The following GRIA1 variants were observed in gnomAD, a reference collection of about 807,000 sequenced individuals.
The protein encoded by GRIA1 is glutamate receptor 1.
A neutral mutation model predicts 99.2 loss-of-function variants in GRIA1; 31 were observed. The observed-to-expected ratio is 0.31, with a 90% confidence interval of 0.23 to 0.42. The LOEUF is 0.42. Among genes scored for constraint, GRIA1 ranks in the 10% least tolerant of loss-of-function variants. The pLI is 1.00. For synonymous variants in GRIA1, 438 were observed against 432.4 expected (o/e 1.01, Z -0.16); for missense variants, 782 against 1,157.5 (o/e 0.68, Z 4.71).
chr5:153,623,035 G>A (rs183131482), intron 2 of GRIA1, among the ~76,000 whole-genome samples: 70 of 152,330 alleles, frequency 4.6e-4, no homozygotes, highest in African/African-American at 1.6e-3. Flanking sequence ...CTATACTCTA[G>A]ATCACACAGC....
intron 5 of GRIA1, among the ~76,000 whole-genome samples, chr5:153,665,374 C>T (rs557993327): frequency 6.6e-5 from 10 of 152,222 alleles, no homozygotes; most frequent in Non-Finnish European, 8.8e-5. Flanking sequence ...TAAGTCAACA[C>T]GAATGCTTTT....
At chr5:153,805,911 T>C (rs1157809815) in intron 15 of GRIA1, among the ~76,000 whole-genome samples, 1 of 152,210 alleles carries the variant, frequency 6.6e-6, no homozygotes, top group East Asian at 1.9e-4. Context: ...GTGTGACTTC[T>C]ACCCAACTCA....
chr5:153,796,863 A>T (rs1040884744), intron 14 of GRIA1, among the ~76,000 whole-genome samples: 2 of 141,222 alleles, frequency 1.4e-5, no homozygotes, highest in Non-Finnish European at 3.0e-5. Context: ...TCCATTCTGG[A>T]TGTACTCACT....
intron 11 of GRIA1, among the ~76,000 whole-genome samples, chr5:153,745,239 G>A (rs765538220): frequency 6.6e-6 from 1 of 151,524 alleles, no homozygotes; most frequent in Non-Finnish European, 1.5e-5. Flanking sequence ...GTTTATGTTC[G>A]TCCCTTCCTT....
chr5:153,652,525 T>C (rs1581406406), intron 4 of GRIA1, among the ~76,000 whole-genome samples: 1 of 152,290 alleles, frequency 6.6e-6, no homozygotes, highest in East Asian at 1.9e-4. Context: ...GTCAAACCTA[T>C]CTTGGTCTGG....
At chr5:153,786,537 T>C (rs780715834) in intron 13 of GRIA1, among the ~76,000 whole-genome samples, 4 of 151,982 alleles carry the variant, frequency 2.6e-5, no homozygotes, top group Non-Finnish European at 4.4e-5. Context: ...TTGTTATTCC[T>C]AGTAAGTACC....
chr5:153,533,780 T>G (rs1267373807), intron 2 of GRIA1, among the ~76,000 whole-genome samples: 1 of 152,218 alleles, frequency 6.6e-6, no homozygotes, highest in East Asian at 1.9e-4. Context: ...AGAATCACAA[T>G]AGCTGTCATA....
At chr5:153,796,190 G>T (rs764604) in intron 14 of GRIA1, among the ~76,000 whole-genome samples, 45,555 of 151,650 alleles carry the variant, frequency 0.3, 7,266 homozygotes, top group Middle Eastern at 0.4. Context: ...AGAGTCTCAT[G>T]ACCTGAACTT....
intron 11 of GRIA1, among the ~76,000 whole-genome samples, chr5:153,731,830 G>A (rs555125936): frequency 6.6e-6 from 1 of 152,160 alleles, no homozygotes; most frequent in East Asian, 1.9e-4. Context: ...TTTCTAAGCT[G>A]CACCTTAGGT....
chr5:153,736,734 T>C (rs1331217572), intron 11 of GRIA1, among the ~76,000 whole-genome samples: 1 of 152,218 alleles, frequency 6.6e-6, no homozygotes, highest in Non-Finnish European at 1.5e-5. Context: ...AGATCGTACC[T>C]TTGGGTTCTC....
intron 3 of GRIA1, among the ~76,000 whole-genome samples, chr5:153,648,469 G>C (rs560380243): frequency 6.6e-6 from 1 of 152,130 alleles, no homozygotes; most frequent in Non-Finnish European, 1.5e-5. Flanking sequence ...GAGCCCTGCC[G>C]TTTGTCAGCT....
intron 2 of GRIA1, among the ~76,000 whole-genome samples, chr5:153,605,211 A>G (rs905939291): frequency 6.6e-5 from 10 of 152,016 alleles, no homozygotes; most frequent in Non-Finnish European, 1.0e-4. Context: ...GAGATGAGCT[A>G]TTAACACTTA....
intron 15 of GRIA1, among the ~76,000 whole-genome samples, 153 bp downstream of exon 15, chr5:153,802,643 G>A (rs1048194460): frequency 1.3e-5 from 2 of 152,150 alleles, no homozygotes; most frequent in Non-Finnish European, 2.9e-5. Context: ...AGGTGACGGG[G>A]ACAAAGGCAG....
intron 2 of GRIA1, among the ~76,000 whole-genome samples, chr5:153,523,520 T>TA (rs932508421): frequency 5.1e-4 from 77 of 151,464 alleles, no homozygotes; most frequent in African/African-American, 1.8e-3. Context: ...CATTTTTTTT[T>TA]TTATTTATGC....
chr5:153,503,136 T>C (rs76510678), intron 2 of GRIA1, among the ~76,000 whole-genome samples: 1,610 of 152,342 alleles, frequency 0.011, 28 homozygotes, highest in African/African-American at 0.036. Context: ...TCCCTTTTTT[T>C]CTTAAAAACA....
rs781132406 is a variant in GRIA1 at position 153,647,058 on chromosome 5, A to C, written c.351A>C (p.Thr117=). 6.2e-7 allele frequency: 1 copy of C among 1,613,926 alleles called. No homozygotes were observed. The part of the protein sequence containing the change: ...CFITPSFPVD[T]SNQFVLQLRP... ...TTACGCCGAGCTTTCCCGTTGATAC[A>C]TCCAATCAGTTTGTCCTTCAGCTGC... Residue 117 remains threonine, a synonymous_variant, in exon 3 of 16, where the codon ACA becomes ACC. Coordinates refer to ENST00000285900, the MANE Select transcript of GRIA1 (RefSeq NM_000827.4).
intron 13 of GRIA1, among the ~76,000 whole-genome samples, chr5:153,785,877 C>A (rs1228044337): frequency 1.3e-5 from 2 of 152,226 alleles, no homozygotes; most frequent in Non-Finnish European, 2.9e-5. Flanking sequence ...AAGCAGCAAT[C>A]TGTGTCCCTG....
At chr5:153,734,432 A>G (rs1048810634) in intron 11 of GRIA1, among the ~76,000 whole-genome samples, 1 of 152,206 alleles carries the variant, frequency 6.6e-6, no homozygotes, top group Non-Finnish European at 1.5e-5. Flanking sequence ...TATCTACTAC[A>G]AGAGTCTCAA....
At chr5:153,611,860 G>T (rs758321849) in intron 2 of GRIA1, among the ~76,000 whole-genome samples, 1 of 152,202 alleles carries the variant, frequency 6.6e-6, no homozygotes. Flanking sequence ...TATGTTTTCC[G>T]CCTGGCCTTG....
Sources: allele counts gnomAD v4.1 joint callset (sites outside exome capture counted in the v4.1 genomes callset), GRCh38; gene constraint gnomAD v4.1.1; transcripts MANE v1.5; gene names NCBI Gene and HGNC (gene_info 2026-07-23, HGNC 2026-07-21).